Variants in COL6A2 observed in about 807,000 individuals in gnomAD.
COL6A2 encodes collagen alpha-2(VI) chain.
COL6A2 carries 90 observed loss-of-function variants against 124.9 expected under a neutral mutation model. The observed-to-expected ratio is 0.72, with a 90% CI of 0.61 to 0.86. COL6A2 has a LOEUF of 0.86. Ranked by LOEUF, COL6A2 falls within the 40% of genes least tolerant of loss-of-function variation. The pLI is 0.00. For synonymous variants in COL6A2, 793 were observed against 618.2 expected (o/e 1.28, Z -4.19); for missense variants, 1,607 against 1,502.5 (o/e 1.07, Z -1.15).
intron 1 of COL6A2, among the ~76,000 whole-genome samples, chr21:46,108,104 ATAT>A (rs1323076678): frequency 1.1e-3 from 153 of 134,532 alleles, no homozygotes; most frequent in African/African-American, 4.5e-3. Context: ...ATATATATAT[ATAT>A]TTTTTTTTCT....
In COL6A2 at chr21:46,132,120, C is replaced by T. The variant is rs372413216; in HGVS notation, c.2628C>T (p.Arg876=). 184 of 1,581,638 alleles carry T rather than the reference C, an allele frequency of 1.2e-4. No homozygotes were observed. The highest frequency in any genetic ancestry group is 1.4e-4 in the Non-Finnish European group (161 of 1,166,516). Residue 876 remains arginine, a synonymous_variant, in exon 28 of 28, where the codon CGC becomes CGT. Transcript: ENST00000300527. The part of the protein sequence containing the change: ...ARRDDDPLNA[R]VALLQFGGPG... ...GGGACGACGACCCTCTCAACGCACG[C>T]GTGGCGCTGCTGCAGTTTGGTGGCC...
At chr21:46,098,234 G>C (rs962271528) in intron 1 of COL6A2, 61 bp downstream of exon 1, 6 of 152,382 alleles carry the variant, frequency 3.9e-5, no homozygotes, top group African/African-American at 1.4e-4. Flanking sequence ...GTGACCCCGA[G>C]TCCTGGGAAG....
rs2078582492 is a variant in COL6A2, at chr21:46,122,512, C to G, written c.1589C>G (p.Pro530Arg). The change falls in exon 20 of 28, where the codon CCC becomes CGC. Residue 530 changes from proline (P) to arginine (R), a missense_variant. Physicochemically the swap from Pro to Arg is moderately radical, Grantham distance 103. This residue lies in a region of COL6A2 where 1,223 missense variants were observed against 1,052.2 expected (regional missense o/e 1.16). Coordinates refer to ENST00000300527, the MANE Select transcript of COL6A2 (RefSeq NM_001849.4). ...GCTTCACAGGGAGAAAAAGGCGAGCCCGGCCCACGCGGCCCCGAGGTATGT... is the reference window on the plus strand; with the variant it reads ...GCTTCACAGGGAGAAAAAGGCGAGCGCGGCCCACGCGGCCCCGAGGTATGT... Reference protein sequence around the residue: ...PRGAPGEKGEPGPRGPEGGRG... With the variant: ...PRGAPGEKGERGPRGPEGGRG... 6.2e-7 allele frequency: 1 copy of G among 1,612,728 alleles called. No individual in the cohort carries two copies. The highest frequency in any genetic ancestry group is 1.3e-5 in the African/African-American group (1 of 74,996).
chr21:46,129,171 G>T lies in COL6A2; in HGVS notation c.2461+2630G>T, dbSNP rs765317454. On this transcript the variant is annotated intron_variant, in intron 27 of 27. Coordinates refer to ENST00000300527, the MANE Select transcript of COL6A2 (RefSeq NM_001849.4). Reference sequence around the variant, plus strand: ...GCCGACGCCCACCGCAGGCCTTACAGTCTTCTCTGGACGCTCCCTTGCAGA... The same window carrying T: ...GCCGACGCCCACCGCAGGCCTTACATTCTTCTCTGGACGCTCCCTTGCAGA... The T allele has an allele frequency of 1.9e-6, 3 of 1,612,670 alleles. No individual in the cohort carries two copies. In the Admixed American group the frequency reaches 5.0e-5, roughly 27 times the overall value.
chr21:46,104,166 C>G (rs1375745156), intron 1 of COL6A2, among the ~76,000 whole-genome samples: 1 of 115,018 alleles, frequency 8.7e-6, no homozygotes, highest in Non-Finnish European at 2.0e-5. Context: ...TTTCCTATTT[C>G]AAAGGAAAAA....
In COL6A2 at chr21:46,124,664, C is replaced by T. The variant is rs370775804; in HGVS notation, c.1685C>T (p.Pro562Leu). Reference protein sequence around the residue: ...GEKGEPADPGPPGEPGPRGPR... With the variant: ...GEKGEPADPGLPGEPGPRGPR... ...GTTCCTTCTCAGGCGGATCCTGGTCCCCCTGGTGAGCCAGGCCCTCGGGGG... is the reference window on the plus strand; with the variant it reads ...GTTCCTTCTCAGGCGGATCCTGGTCTCCCTGGTGAGCCAGGCCCTCGGGGG... Residue 562 changes from proline (P) to leucine (L), a missense_variant, in exon 22 of 28, where the codon CCC (proline) becomes CTC (leucine). Physicochemically the swap from Pro to Leu is moderately conservative, Grantham distance 98. This residue lies in a region of COL6A2 where 1,223 missense variants were observed against 1,052.2 expected (regional missense o/e 1.16). Transcript: ENST00000300527. 16 of 1,612,832 alleles carry T rather than the reference C, an allele frequency of 9.9e-6. No homozygotes were observed. In the East Asian group the frequency reaches 1.1e-4, roughly 11 times the overall value.
chr21:46,129,285 A>C (rs770337599), intron 27 of COL6A2: 15 of 1,612,876 alleles, frequency 9.3e-6, no homozygotes, highest in Non-Finnish European at 1.3e-5. Flanking sequence ...CATTCCCCTG[A>C]TCCAACAGTT....
intron 27 of COL6A2, among the ~76,000 whole-genome samples, chr21:46,131,153 C>A (rs2078755400): frequency 6.6e-6 from 1 of 152,210 alleles, no homozygotes; most frequent in Non-Finnish European, 1.5e-5. Context: ...CTCCCCCATC[C>A]CAGGAGCTGA....
At chr21:46,109,760 G>C (rs2078374790) in intron 1 of COL6A2, among the ~76,000 whole-genome samples, 2 of 152,274 alleles carry the variant, frequency 1.3e-5, no homozygotes, top group South Asian at 4.1e-4. Context: ...GGAGTGGGTG[G>C]TGGGAGCGGG....
rs529170985 is a variant in COL6A2 at position 46,132,764 on chromosome 21, C to G, written c.*212C>G. The G allele has an allele frequency of 4.4e-5, 26 of 597,086 alleles. No homozygotes were observed. Among genetic ancestry groups the G allele is most frequent in the African/African-American group, 3.2e-4 (17 of 53,748 alleles). 37.0% of individuals were successfully genotyped at this position (597,086 alleles called of 1,614,324 possible). On this transcript the variant is annotated 3_prime_UTR_variant, in exon 28 of 28. Coordinates refer to ENST00000300527, the MANE Select transcript of COL6A2 (RefSeq NM_001849.4). ...CCTCCGCAGGCTGCCCGGCCTCCCTCCCCCTGCAGCCATCCCAAGGCTCCT... is the reference window on the plus strand; with the variant it reads ...CCTCCGCAGGCTGCCCGGCCTCCCTGCCCCTGCAGCCATCCCAAGGCTCCT...
intron 27 of COL6A2, among the ~76,000 whole-genome samples, chr21:46,128,065 G>A (rs2078700851): frequency 1.3e-5 from 2 of 152,180 alleles, no homozygotes; most frequent in African/African-American, 4.8e-5. Context: ...CTCTGGTTCT[G>A]GCCTCAGGGT....
intron 2 of COL6A2, 90 bp from the exon 3 acceptor site, chr21:46,111,889 C>T: frequency 2.1e-6 from 3 of 1,407,050 alleles, no homozygotes; most frequent in Non-Finnish European, 9.9e-7. Flanking sequence ...GCAGTGAGGT[C>T]AAACCCACAA....
Position 46,116,701 on chromosome 21 carries a change from C to T in COL6A2, c.954+24C>T, listed in dbSNP as rs1003523903. On this transcript the variant is annotated intron_variant, in intron 9 of 27. Coordinates refer to ENST00000300527, the MANE Select transcript of COL6A2 (RefSeq NM_001849.4). This position sits in a 1 kb window ranked among gnomAD's most constrained non-coding sequence, Gnocchi z 4.6. ...AGGTAGGCTGGCTGGGTAGGCAGAGCCCCTCCTTCCTGCTGCTCAGGGCAG... is the reference window on the plus strand; with the variant it reads ...AGGTAGGCTGGCTGGGTAGGCAGAGTCCCTCCTTCCTGCTGCTCAGGGCAG... 7 of 1,612,890 alleles carry T rather than the reference C, an allele frequency of 4.3e-6. No homozygotes were observed. In the Admixed American group the frequency reaches 6.7e-5, roughly 15 times the overall value.
rs760175921 is a variant in COL6A2, at chr21:46,117,492, G to C, written c.1053+39G>C. On this transcript the variant is annotated intron_variant, in intron 11 of 27. Coordinates refer to ENST00000300527, the MANE Select transcript of COL6A2 (RefSeq NM_001849.4). ...GCACCCCTCCTTCAGCCTCGGCCCA[G>C]GGGGTGTGGGTGCCTGACCGGGTGG... 9.4e-6 allele frequency: 15 copies of C among 1,603,676 alleles called. No homozygotes were observed. The South Asian group carries it at 1.5e-4, about 17-fold the overall frequency.
rs748215430 is a variant in COL6A2, at chr21:46,116,802, C to T, written c.987C>T (p.Thr329=). Residue 329 remains threonine, a synonymous_variant, in exon 10 of 28, where the codon ACC becomes ACT. Transcript: ENST00000300527. The surrounding 1 kb of genome is among the most constrained non-coding windows in gnomAD (Gnocchi z 4.6). ...GAPGLAGKNG[T]DGQKGKLGRI... ...CTGGCCTGGCTGGCAAGAACGGGAC[C>T]GATGGACAGAAGGTAGAGGGAGCCT... 5.6e-6 allele frequency: 9 copies of T among 1,612,774 alleles called. No individual in the cohort carries two copies. In the Admixed American group the frequency reaches 1.2e-4, roughly 21 times the overall value.
intron 27 of COL6A2, among the ~76,000 whole-genome samples, chr21:46,126,980 C>G (rs2078680411): frequency 6.6e-6 from 1 of 150,658 alleles, no homozygotes; most frequent in African/African-American, 2.4e-5. Context: ...TTGCTCCAAC[C>G]CTGGCCTGCC....
chr21:46,124,367 T>G (rs1382618457), intron 21 of COL6A2, among the ~76,000 whole-genome samples: 1 of 152,100 alleles, frequency 6.6e-6, no homozygotes, highest in Non-Finnish European at 1.5e-5. Flanking sequence ...GGAATACCCA[T>G]GGATTGGAAT....
Position 46,116,801 on chromosome 21 carries a change from C to T in COL6A2, c.986C>T (p.Thr329Ile). The change falls in exon 10 of 28, where the codon ACC becomes ATC. Residue 329 changes from threonine to isoleucine, a missense_variant. Around this residue, in one of 3 missense-constraint regions of COL6A2, gnomAD observed 1,223 missense variants for 1,052.2 expected, o/e 1.16. Transcript: ENST00000300527. The surrounding 1 kb of genome is among the most constrained non-coding windows in gnomAD (Gnocchi z 4.6). The part of the protein sequence containing the change: ...GAPGLAGKNG[T>I]DGQKGKLGRI... ...CCTGGCCTGGCTGGCAAGAACGGGA[C>T]CGATGGACAGAAGGTAGAGGGAGCC... The T allele has an allele frequency of 6.2e-7, 1 of 1,612,944 alleles. No homozygotes were observed. Among genetic ancestry groups the T allele is most frequent in the Non-Finnish European group, 8.5e-7 (1 of 1,179,994 alleles).
intron 5 of COL6A2, among the ~76,000 whole-genome samples, chr21:46,114,534 T>TTAAA (rs1482543194): frequency 6.6e-6 from 1 of 152,186 alleles, no homozygotes; most frequent in East Asian, 1.9e-4. Flanking sequence ...CTAATTCCTT[T>TTAAA]TAAATAGTAT....
Sources: gnomAD v4.1 joint callset for allele counts (sites outside exome capture counted in the v4.1 genomes callset) on GRCh38, gnomAD v4.1.1 for gene constraint, gnomAD v4.1.1 regional missense constraint, Gnocchi (gnomAD v3.1) non-coding constraint, MANE v1.5 for transcripts, NCBI Gene and HGNC (gene_info 2026-07-23, HGNC 2026-07-21) for gene names.